MLXIP: variants seen among roughly 807,000 people sequenced by gnomAD.
MLXIP encodes the protein MLX interacting protein.
Under a neutral mutation model 87.2 loss-of-function variants are expected in MLXIP, and 30 were observed. The ratio of observed to expected loss-of-function variants is 0.34; its 90% confidence interval spans 0.26 to 0.47. The LOEUF (loss-of-function observed/expected upper bound fraction) is 0.47, where lower values mean the gene tolerates loss of function less well. Among genes scored for constraint, MLXIP ranks in the 20% least tolerant of loss-of-function variants. The pLI is 1.00. For missense variants in MLXIP, 1,002 were observed against 1,240.1 expected, an observed-to-expected ratio of 0.81 and a Z score of 2.88; for synonymous variants, 530 against 514.0, an observed-to-expected ratio of 1.03 and a Z score of -0.42.
intron 4 of MLXIP, 94 bp downstream of exon 4, chr12:122,129,320 C>T (rs917460150): frequency 9.0e-5 from 105 of 1,161,988 alleles, no homozygotes; most frequent in Non-Finnish European, 1.2e-4. Context: ...GCTCCACAGC[C>T]GCCCCACCTG....
Position 122,101,834 on chromosome 12 carries a change from C to T in MLXIP, c.413+22568C>T, listed in dbSNP as rs561065189. 3.5e-3 allele frequency among the ~76,000 whole-genome samples: 529 copies of T among 152,266 alleles called. 1 individual carries two copies. Among genetic ancestry groups the T allele is most frequent in the Non-Finnish European group, 5.8e-3 (392 of 68,014 alleles). ...GACCTTGTGATCCACCCACCTTGGC[C>T]TCCCAAAGTGCTGGGATTACAGGCG... On this transcript the variant is annotated intron_variant, in intron 1 of 16. Transcript: ENST00000319080.
chr12:122,130,552 T>C lies in MLXIP; in HGVS notation c.911-292T>C, dbSNP rs566618277. On this transcript the variant is annotated intron_variant, in intron 6 of 16. Coordinates refer to ENST00000319080, the MANE Select transcript of MLXIP (RefSeq NM_014938.6). ...AACCTCTCAGGGAAGAGCCCAAAGA[T>C]TGAAAATTAGAACAGTGTTCGGGGA... 2.6e-5 allele frequency among the ~76,000 whole-genome samples: 4 copies of C among 151,602 alleles called. No individual in the cohort carries two copies. The South Asian group carries it at 8.5e-4, about 32-fold the overall frequency.
chr12:122,115,277 A>G (rs1952672053), intron 1 of MLXIP, among the ~76,000 whole-genome samples: 1 of 152,092 alleles, frequency 6.6e-6, no homozygotes, highest in Non-Finnish European at 1.5e-5. Context: ...GGGAAGCAGT[A>G]CAAGAAATTC....
Position 122,144,213 on chromosome 12 carries a change from C to T in MLXIP, c.*2401C>T, listed in dbSNP as rs1953260139. ...CTGACCACAGGATGGGCTTTGTTTA[C>T]ACTCATTTTCACCCTGATTCTTGCC... On this transcript the variant is annotated 3_prime_UTR_variant, in exon 17 of 17. Transcript: ENST00000319080. 1 of 152,554 alleles carries T rather than the reference C, an allele frequency of 6.6e-6. No individual in the cohort carries two copies. Among genetic ancestry groups the T allele is most frequent in the Non-Finnish European group, 1.5e-5 (1 of 68,038 alleles). 9.5% of individuals were successfully genotyped at this position (152,554 alleles called of 1,614,324 possible). A position where few individuals can be genotyped will look rare whatever the true frequency, so the allele number is the denominator to read the frequency against.
At chr12:122,094,805 T>C (rs1952323382) in intron 1 of MLXIP, among the ~76,000 whole-genome samples, 1 of 146,078 alleles carries the variant, frequency 6.8e-6, no homozygotes, top group East Asian at 2.1e-4. Flanking sequence ...ATGTGTGTGG[T>C]GTGTTGGTGT....
intron 1 of MLXIP, among the ~76,000 whole-genome samples, chr12:122,105,466 G>T (rs1297420431): frequency 6.6e-6 from 1 of 151,834 alleles, no homozygotes; most frequent in Non-Finnish European, 1.5e-5. Flanking sequence ...TCCTGCCTCA[G>T]CCTCCTGAGT....
chr12:122,142,284 A>G lies in MLXIP; in HGVS notation c.*472A>G. ...CCACTCTCTGGTCTGCCCGTGGGGC[A>G]GTTGGAAGGCGTCTTTCTTTCTCCC... On this transcript the variant is annotated 3_prime_UTR_variant, in exon 17 of 17. Transcript: ENST00000319080. 1.4e-6 allele frequency: 1 copy of G among 690,026 alleles called. No individual in the cohort carries two copies. The highest frequency in any genetic ancestry group is 2.7e-6 in the Non-Finnish European group (1 of 377,244). The allele number at this position is 690,026 out of a possible 1,614,324, so 42.7% of individuals were successfully genotyped here. A position where few individuals can be genotyped will look rare whatever the true frequency, so the allele number is the denominator to read the frequency against.
intron 1 of MLXIP, among the ~76,000 whole-genome samples, chr12:122,082,789 T>G (rs1952110132): frequency 6.6e-6 from 1 of 152,234 alleles, no homozygotes; most frequent in Non-Finnish European, 1.5e-5. Flanking sequence ...CTCTTGACAC[T>G]GTAAGGAATG....
chr12:122,098,245 C>T (rs1169153611), intron 1 of MLXIP, among the ~76,000 whole-genome samples: 1 of 152,198 alleles, frequency 6.6e-6, no homozygotes, highest in Non-Finnish European at 1.5e-5. Flanking sequence ...GTCATCTATT[C>T]TTCCGGTGCC....
chr12:122,144,790 G>A lies in MLXIP; in HGVS notation c.*2978G>A, dbSNP rs1364382187. ...TAATCCCAGCTACTCGGGAGGCTGA[G>A]TCAGGAGAATCACTTGAACCTGGGA... is the stretch of plus-strand genomic sequence containing the variant. On this transcript the variant is annotated 3_prime_UTR_variant, in exon 17 of 17. Coordinates refer to ENST00000319080, the MANE Select transcript of MLXIP (RefSeq NM_014938.6). 1.3e-5 allele frequency: 2 copies of A among 152,192 alleles called. No homozygotes were observed. Among genetic ancestry groups the A allele is most frequent in the Non-Finnish European group, 2.9e-5 (2 of 68,124 alleles). The allele number at this position is 152,192 out of a possible 1,614,324, so 9.4% of individuals were successfully genotyped here.
intron 1 of MLXIP, among the ~76,000 whole-genome samples, chr12:122,123,588 G>A (rs1313757787): frequency 2.0e-5 from 3 of 152,176 alleles, no homozygotes; most frequent in East Asian, 1.9e-4. Context: ...ATTTCCCTGC[G>A]TCTTGCCGCT....
At chr12:122,085,757 C>T (rs1952159458) in intron 1 of MLXIP, among the ~76,000 whole-genome samples, 1 of 152,102 alleles carries the variant, frequency 6.6e-6, no homozygotes, top group African/African-American at 2.4e-5. Flanking sequence ...AGTGGGACAA[C>T]AAGATAAGTG....
At chr12:122,103,582 A>T (rs1952472559) in intron 1 of MLXIP, among the ~76,000 whole-genome samples, 1 of 142,962 alleles carries the variant, frequency 7.0e-6, no homozygotes, top group Non-Finnish European at 1.5e-5. Flanking sequence ...GTTCAGTGGC[A>T]CGATCTCGGC....
At chr12:122,131,346 A>G (rs1199660796) in intron 7 of MLXIP, among the ~76,000 whole-genome samples, 1 of 151,744 alleles carries the variant, frequency 6.6e-6, no homozygotes, top group Non-Finnish European at 1.5e-5. Context: ...CCCCCTTTCT[A>G]CAGAAAAAAA....
chr12:122,107,726 C>T (rs1043064881), intron 1 of MLXIP, among the ~76,000 whole-genome samples: 2 of 152,212 alleles, frequency 1.3e-5, no homozygotes, highest in African/African-American at 4.8e-5. Context: ...TGACTGCCCT[C>T]TCCCGGCTCT....
At chr12:122,107,684 CA>C (rs1302743307) in intron 1 of MLXIP, among the ~76,000 whole-genome samples, 1 of 152,152 alleles carries the variant, frequency 6.6e-6, no homozygotes, top group Non-Finnish European at 1.5e-5. Context: ...GGTGTCTGTC[CA>C]AGGCTGCAGA....
chr12:122,132,186 T>G, intron 7 of MLXIP, 106 bp from the exon 8 acceptor site: 1 of 801,352 alleles, frequency 1.2e-6, no homozygotes, highest in Non-Finnish European at 2.1e-6. Flanking sequence ...CCTCCCAAAG[T>G]GCTGGGATTA....
intron 15 of MLXIP, among the ~76,000 whole-genome samples, chr12:122,139,255 G>A (rs890881971): frequency 6.6e-6 from 1 of 152,212 alleles, no homozygotes; most frequent in African/African-American, 2.4e-5. Flanking sequence ...AAGGAGGCAT[G>A]GTTCCACACA....
At chr12:122,090,361 G>T (rs1453740991) in intron 1 of MLXIP, among the ~76,000 whole-genome samples, 2 of 152,110 alleles carry the variant, frequency 1.3e-5, no homozygotes, top group African/African-American at 4.8e-5. Context: ...AGCTGGTGTG[G>T]TGGCACATGC....
Sources: allele counts gnomAD v4.1 joint callset (sites outside exome capture counted in the v4.1 genomes callset), GRCh38; gene constraint gnomAD v4.1.1; transcripts MANE v1.5; gene names NCBI Gene and HGNC (gene_info 2026-07-23, HGNC 2026-07-21).